Variants in PBX3 observed in about 807,000 individuals in gnomAD.
PBX3 encodes PBX homeobox 3.
In PBX3, 14 loss-of-function variants were observed where a neutral mutation model predicts 48.5. The observed-to-expected ratio is 0.29, with a 90% CI of 0.19 to 0.45. The LOEUF (loss-of-function observed/expected upper bound fraction) is 0.45, where lower values mean the gene tolerates loss of function less well. PBX3 is among the 20% of genes least tolerant of loss of function. PBX3 has a pLI of 1.00. For missense variants in PBX3, 386 were observed against 546.7 expected, an observed-to-expected ratio of 0.71 and a Z score of 2.93; for synonymous variants, 210 against 200.3, an observed-to-expected ratio of 1.05 and a Z score of -0.41.
chr9:125,763,630 T>C (rs983159120), intron 2 of PBX3, among the ~76,000 whole-genome samples: 1 of 151,918 alleles, frequency 6.6e-6, no homozygotes, highest in Admixed American at 6.6e-5. Context: ...TAACAACTGG[T>C]GGTGAATGAG....
At chr9:125,836,814 A>T (rs1180532575) in intron 2 of PBX3, among the ~76,000 whole-genome samples, 1 of 152,228 alleles carries the variant, frequency 6.6e-6, no homozygotes, top group African/African-American at 2.4e-5. Flanking sequence ...TTTAAGAGTC[A>T]AAACAAGTAA....
intron 2 of PBX3, among the ~76,000 whole-genome samples, chr9:125,860,884 CAA>C (rs58796485): frequency 0.48 from 47,530 of 99,016 alleles, 9,563 homozygotes; most frequent in South Asian, 0.57. Context: ...AAGACTCTGT[CAA>C]AAAAAAAAAA....
chr9:125,844,523 G>A (rs1839376675), intron 2 of PBX3: 1 of 152,048 alleles, frequency 6.6e-6, no homozygotes, highest in African/African-American at 2.4e-5. Context: ...AATTAAAAAT[G>A]TCAAACCATG....
intron 2 of PBX3, among the ~76,000 whole-genome samples, chr9:125,779,865 C>T (rs1588137863): frequency 2.2e-5 from 3 of 133,422 alleles, no homozygotes; most frequent in African/African-American, 2.9e-5. Context: ...ACCTCCCGGA[C>T]GGGGCGGCTG....
chr9:125,832,446 C>T (rs750267811), intron 2 of PBX3, among the ~76,000 whole-genome samples: 7 of 152,212 alleles, frequency 4.6e-5, no homozygotes, highest in Admixed American at 1.3e-4. Context: ...CCACCCGCCT[C>T]GGCCTCCCAA....
chr9:125,784,459 A>G (rs1295771738), intron 2 of PBX3, among the ~76,000 whole-genome samples: 1 of 152,188 alleles, frequency 6.6e-6, no homozygotes, highest in African/African-American at 2.4e-5. Flanking sequence ...TGTTGTGGTT[A>G]AGAATTGGAT....
intron 2 of PBX3, among the ~76,000 whole-genome samples, chr9:125,794,870 C>T (rs1226102816): frequency 1.3e-5 from 2 of 151,346 alleles, no homozygotes; most frequent in Non-Finnish European, 2.9e-5. Flanking sequence ...TGTGTTCAAT[C>T]TAGCTGGCTA....
intron 2 of PBX3, among the ~76,000 whole-genome samples, chr9:125,785,763 A>G (rs888969637): frequency 3.9e-5 from 6 of 152,190 alleles, no homozygotes; most frequent in African/African-American, 1.4e-4. Flanking sequence ...GGCCCCAGAA[A>G]CAAACATAGT....
At chr9:125,871,969 A>G (rs181764238) in intron 2 of PBX3, among the ~76,000 whole-genome samples, 4 of 152,332 alleles carry the variant, frequency 2.6e-5, no homozygotes, top group African/African-American at 9.6e-5. Flanking sequence ...GTGTGTAAAA[A>G]TGCATCTTTC....
intron 2 of PBX3, among the ~76,000 whole-genome samples, chr9:125,848,714 G>A (rs1277273283): frequency 6.6e-6 from 1 of 151,750 alleles, no homozygotes; most frequent in African/African-American, 2.4e-5. Flanking sequence ...ATATTTTCTG[G>A]GTATTGTTCT....
rs529921372 is a variant in PBX3, at chr9:125,966,734, A to G, written c.*811A>G. 2 of 152,764 alleles carry G rather than the reference A, an allele frequency of 1.3e-5. No individual in the cohort carries two copies. Among genetic ancestry groups the G allele is most frequent in the Admixed American group, 1.3e-4 (2 of 15,300 alleles). 9.5% of individuals were successfully genotyped at this position (152,764 alleles called of 1,614,324 possible). On this transcript the variant is annotated 3_prime_UTR_variant, in exon 9 of 9. Coordinates refer to ENST00000373489, the MANE Select transcript of PBX3 (RefSeq NM_006195.6). ...GTTGTATATAGTGTAGCAAAAGAGT[A>G]TTTATACATCCCACCAATCAAAACA...
chr9:125,879,475 C>A (rs1840333033), intron 2 of PBX3, among the ~76,000 whole-genome samples: 2 of 152,170 alleles, frequency 1.3e-5, no homozygotes, highest in Admixed American at 6.5e-5. Context: ...ATTCCAAAAT[C>A]TTTTCTGTTT....
At chr9:125,832,009 G>T (rs1250762895) in intron 2 of PBX3, among the ~76,000 whole-genome samples, 194 of 152,138 alleles carry the variant, frequency 1.3e-3, no homozygotes, top group Non-Finnish European at 1.9e-4. Context: ...TTTGCTTTCA[G>T]GAAAAGAGAG....
intron 2 of PBX3, among the ~76,000 whole-genome samples, chr9:125,802,927 C>T (rs938054044): frequency 6.6e-5 from 10 of 152,074 alleles, no homozygotes; most frequent in Non-Finnish European, 1.2e-4. Context: ...GATCTGCCCG[C>T]CTCGGCCTCC....
intron 2 of PBX3, among the ~76,000 whole-genome samples, chr9:125,845,348 C>T (rs962795059): frequency 2.0e-5 from 3 of 152,032 alleles, no homozygotes; most frequent in Non-Finnish European, 4.4e-5. Flanking sequence ...GCATACATTA[C>T]GCTTTGAAAA....
chr9:125,949,538 A>ACACAG, intron 5 of PBX3: 2 of 1,421,760 alleles, frequency 1.4e-6, no homozygotes, highest in Non-Finnish European at 1.9e-6. Context: ...GTATATATAT[A>ACACAG]TATAGTATTC....
At chr9:125,915,493 G>A (rs1379359983) in intron 2 of PBX3, among the ~76,000 whole-genome samples, 193 bp from the exon 3 acceptor site, 2 of 152,080 alleles carry the variant, frequency 1.3e-5, no homozygotes, top group Non-Finnish European at 2.9e-5. Context: ...TAGGGTGCAT[G>A]TAAACACTAT....
At chr9:125,964,594 C>T (rs975480057) in intron 8 of PBX3, among the ~76,000 whole-genome samples, 2 of 151,356 alleles carry the variant, frequency 1.3e-5, no homozygotes, top group African/African-American at 4.9e-5. Context: ...AATCCTCTTC[C>T]CTTAGGGTCT....
chr9:125,806,609 A>C (rs1027992365), intron 2 of PBX3, among the ~76,000 whole-genome samples: 1 of 152,130 alleles, frequency 6.6e-6, no homozygotes, highest in Non-Finnish European at 1.5e-5. Context: ...TCACCTTCCA[A>C]AGCCTGTTAA....
Sources: gnomAD v4.1 joint callset for allele counts (sites outside exome capture counted in the v4.1 genomes callset) on GRCh38, gnomAD v4.1.1 for gene constraint, MANE v1.5 for transcripts, NCBI Gene and HGNC (gene_info 2026-07-23, HGNC 2026-07-21) for gene names.